SYTL1: variants seen among roughly 807,000 people sequenced by gnomAD.
SYTL1 encodes synaptotagmin like 1.
A neutral mutation model predicts 74.6 loss-of-function variants in SYTL1; 53 were observed. That is an observed-to-expected ratio of 0.71 (90% CI 0.57 to 0.89). SYTL1 has a LOEUF of 0.89. Ranked by LOEUF, SYTL1 falls within the 40% of genes least tolerant of loss-of-function variation. The pLI is 0.00. For synonymous variants in SYTL1, 329 were observed against 324.9 expected (o/e 1.01, Z -0.14); for missense variants, 728 against 768.7 (o/e 0.95, Z 0.63).
chr1:27,344,838 T>A (rs1571028685), intron 1 of SYTL1: 1 of 66,822 alleles, frequency 1.5e-5, no homozygotes, highest in Non-Finnish European at 2.6e-5. Context: ...AAAGCAAGAC[T>A]CCTCAAAAAA....
rs2014823845 is a variant in SYTL1, at chr1:27,342,695, CA to C, written c.-39+546del. Among the ~76,000 whole-genome samples the C allele has an allele frequency of 6.7e-6, 1 of 148,336 alleles. No individual in the cohort carries two copies. Among genetic ancestry groups the C allele is most frequent in the African/African-American group, 2.4e-5 (1 of 41,176 alleles). The stretch of plus-strand genomic sequence containing the variant: ...CCACACAGACAATATAGTCACCATG[CA>C]GCATCACACTGCAACAGGACACAAA... On this transcript the variant is annotated intron_variant, in intron 1 of 14. Coordinates refer to ENST00000616558, the MANE Select transcript of SYTL1 (RefSeq NM_001193308.2). The surrounding 1 kb of genome is among the most constrained non-coding windows in gnomAD (Gnocchi z 4.7).
chr1:27,347,967 G>T lies in SYTL1; in HGVS notation c.414G>T (p.Arg138Ser). 1 of 1,614,160 alleles carries T rather than the reference G, an allele frequency of 6.2e-7. No individual in the cohort carries two copies. ...VKEKEEGPEP[R>S]LTIDEAPQER... Reference sequence around the variant, plus strand: ...GAGAGCGTCCTCTCCCTACTCCTAGGCTCACCATTGATGAGGCCCCTCAGG... The same window carrying T: ...GAGAGCGTCCTCTCCCTACTCCTAGTCTCACCATTGATGAGGCCCCTCAGG... The change falls in exon 5 of 15, where the codon AGG (arginine) becomes AGT (serine). Residue 138 changes from arginine to serine, a missense_variant and splice_region_variant. Transcript: ENST00000616558. This position sits in a 1 kb window ranked among gnomAD's most constrained non-coding sequence, Gnocchi z 4.9.
chr1:27,345,283 C>T lies in SYTL1; in HGVS notation c.-38-14C>T, dbSNP rs1037282444. 30 of 1,369,498 alleles carry T rather than the reference C, an allele frequency of 2.2e-5. No individual in the cohort carries two copies. Among genetic ancestry groups the T allele is most frequent in the African/African-American group, 1.2e-4 (8 of 66,500 alleles). The allele number at this position is 1,369,498 out of a possible 1,614,324, so 84.8% of individuals were successfully genotyped here. A position where few individuals can be genotyped will look rare whatever the true frequency, so the allele number is the denominator to read the frequency against. ...TTTGTGCAGGGCTTGACCTGACCCT[C>T]GGTCTGCCCCCAGGAAGCTCCGTGT... On this transcript the variant is annotated splice_polypyrimidine_tract_variant and intron_variant, in intron 1 of 14. Coordinates refer to ENST00000616558, the MANE Select transcript of SYTL1 (RefSeq NM_001193308.2). This position sits in a 1 kb window ranked among gnomAD's most constrained non-coding sequence, Gnocchi z 6.0.
chr1:27,350,297 G>T lies in SYTL1; in HGVS notation c.909-92G>T. ...TGTAAAGCGCTTAGCACGAGGCCTG[G>T]CACGTGTTCGGGATGGTGGCTGGGG... On this transcript the variant is annotated intron_variant, in intron 9 of 14. Transcript: ENST00000616558. This position sits in a 1 kb window ranked among gnomAD's most constrained non-coding sequence, Gnocchi z 6.3. 6.7e-7 allele frequency: 1 copy of T among 1,483,770 alleles called. No individual in the cohort carries two copies. The highest frequency in any genetic ancestry group is 9.4e-7 in the Non-Finnish European group (1 of 1,061,520). The allele number at this position is 1,483,770 out of a possible 1,614,324, so 91.9% of individuals were successfully genotyped here. A position where few individuals can be genotyped will look rare whatever the true frequency, so the allele number is the denominator to read the frequency against.
At position 27,350,794 on chromosome 1, in the gene SYTL1, T is replaced by C; in HGVS notation, c.1006T>C (p.Tyr336His). Residue 336 changes from tyrosine to histidine, a missense_variant and splice_region_variant, in exon 11 of 15, where the codon TAC (tyrosine) becomes CAC (histidine). Tyr to His is a moderately conservative substitution (Grantham distance 83). Coordinates refer to ENST00000616558, the MANE Select transcript of SYTL1 (RefSeq NM_001193308.2). The surrounding 1 kb of genome is among the most constrained non-coding windows in gnomAD (Gnocchi z 6.3). Reference protein sequence around the residue: ...LNPVFNETLRYSVPQAELQGR... With the variant: ...LNPVFNETLRHSVPQAELQGR... ...ACTAAAGCTCACCTCCTGTCCTCAG[T>C]ACTCCGTCCCGCAGGCCGAGCTTCA... 1 of 1,613,764 alleles carries C rather than the reference T, an allele frequency of 6.2e-7. No individual in the cohort carries two copies. The highest frequency in any genetic ancestry group is 2.2e-5 in the East Asian group (1 of 44,868).
chr1:27,350,182 C>T lies in SYTL1; in HGVS notation c.908+50C>T, dbSNP rs1185222886. On this transcript the variant is annotated intron_variant, in intron 9 of 14. Transcript: ENST00000616558. This position sits in a 1 kb window ranked among gnomAD's most constrained non-coding sequence, Gnocchi z 6.3. ...GGCGCGGCTGTCACAGCCCAGCCCA[C>T]CATTCACAGGGTCTCGGCCTCCTCG... 9 of 1,452,662 alleles carry T rather than the reference C, an allele frequency of 6.2e-6. No homozygotes were observed. The highest frequency in any genetic ancestry group is 1.8e-4 in the Middle Eastern group (1 of 5,530). 90.0% of individuals were successfully genotyped at this position (1,452,662 alleles called of 1,614,324 possible).
At position 27,347,438 on chromosome 1, in the gene SYTL1, T is replaced by A; in HGVS notation, c.209T>A (p.Val70Glu). 1 of 1,614,032 alleles carries A rather than the reference T, an allele frequency of 6.2e-7. No individual in the cohort carries two copies. ...TCCTCCAGCAAGCTCCGGGCCTCAG[T>A]GGCAGACCCTGGGCAGCTGAAGATC... ...EGRVSKLRAS[V>E]ADPGQLKILT... The change falls in exon 3 of 15, where the codon GTG (valine) becomes GAG (glutamate). Residue 70 changes from valine (V) to glutamate (E), a missense_variant. Physicochemically the swap from Val to Glu is moderately radical, Grantham distance 121. Coordinates refer to ENST00000616558, the MANE Select transcript of SYTL1 (RefSeq NM_001193308.2). This position sits in a 1 kb window ranked among gnomAD's most constrained non-coding sequence, Gnocchi z 4.9.
Position 27,347,987 on chromosome 1 carries a change from C to T in SYTL1, c.434C>T (p.Pro145Leu). 1 of 1,614,180 alleles carries T rather than the reference C, an allele frequency of 6.2e-7. No individual in the cohort carries two copies. ...PEPRLTIDEA[P>L]QERLRETEGP... ...CCTAGGCTCACCATTGATGAGGCCC[C>T]TCAGGAGAGGCTCAGGGAGACTGAG... The change falls in exon 5 of 15, where the codon CCT becomes CTT. Residue 145 changes from proline (P) to leucine (L), a missense_variant. Pro to Leu is a moderately conservative substitution (Grantham distance 98). Transcript: ENST00000616558. The surrounding 1 kb of genome is among the most constrained non-coding windows in gnomAD (Gnocchi z 4.9).
intron 13 of SYTL1, chr1:27,352,307 C>A (rs2148038795): frequency 6.6e-6 from 1 of 151,766 alleles, no homozygotes; most frequent in East Asian, 2.0e-4. Flanking sequence ...TGCACTCCAA[C>A]CTGGGCAAAA....
chr1:27,350,216 T>C lies in SYTL1; in HGVS notation c.908+84T>C. 1.3e-6 allele frequency: 2 copies of C among 1,484,930 alleles called. No individual in the cohort carries two copies. Among genetic ancestry groups the C allele is most frequent in the Non-Finnish European group, 1.8e-6 (2 of 1,098,458 alleles). The allele number at this position is 1,484,930 out of a possible 1,614,324, so 92.0% of individuals were successfully genotyped here. Reference sequence around the variant, plus strand: ...GGGTCTCGGCCTCCTCGTCCTCATCTTCAAAATGGGAACAACAGCGTTATT... The same window carrying C: ...GGGTCTCGGCCTCCTCGTCCTCATCCTCAAAATGGGAACAACAGCGTTATT... On this transcript the variant is annotated intron_variant, in intron 9 of 14. Coordinates refer to ENST00000616558, the MANE Select transcript of SYTL1 (RefSeq NM_001193308.2). This position sits in a 1 kb window ranked among gnomAD's most constrained non-coding sequence, Gnocchi z 6.3.
At position 27,348,083 on chromosome 1, in the gene SYTL1, G is replaced by T. The variant is rs2015081749; in HGVS notation, c.459+71G>T. ...GGTGGAATGTGCAGGGGGCAGGGGG[G>T]AAAGAGCCCCAGCCTGGGAATGGGG... On this transcript the variant is annotated intron_variant, in intron 5 of 14. Transcript: ENST00000616558. The surrounding 1 kb of genome is among the most constrained non-coding windows in gnomAD (Gnocchi z 4.1). 6.8e-7 allele frequency: 1 copy of T among 1,476,062 alleles called. No individual in the cohort carries two copies. 91.4% of individuals were successfully genotyped at this position (1,476,062 alleles called of 1,614,324 possible). A position where few individuals can be genotyped will look rare whatever the true frequency, so the allele number is the denominator to read the frequency against.
At chr1:27,353,660 C>A in intron 14 of SYTL1, 53 bp from the exon 15 acceptor site, 1 of 1,585,274 alleles carries the variant, frequency 6.3e-7, no homozygotes, top group South Asian at 1.1e-5. Context: ...TGTTTGGGGG[C>A]CCCAAGGTGT....
Position 27,349,687 on chromosome 1 carries a change from G to A in SYTL1, c.669G>A (p.Glu223=). The change falls in exon 8 of 15, where the codon GAG becomes GAA. Residue 223 remains glutamate, a synonymous_variant. Coordinates refer to ENST00000616558, the MANE Select transcript of SYTL1 (RefSeq NM_001193308.2). ...KAASQILENG[E]EAPGPDPSLD... is the part of the protein sequence containing the mutation. ...CGTCCCAGATCCTGGAGAATGGGGA[G>A]GAGGCCCCGGGGCCCGACCCCTCTC... is the stretch of plus-strand genomic sequence containing the variant. 1 of 1,611,198 alleles carries A rather than the reference G, an allele frequency of 6.2e-7. No individual in the cohort carries two copies. Among genetic ancestry groups the A allele is most frequent in the Non-Finnish European group, 8.5e-7 (1 of 1,179,238 alleles).
At chr1:27,349,373 C>A in intron 6 of SYTL1, 25 bp from the exon 7 acceptor site, 6 of 1,442,780 alleles carry the variant, frequency 4.2e-6, no homozygotes, top group Non-Finnish European at 5.5e-6. Flanking sequence ...AGAGGGCTCG[C>A]TTAGCATCTC....
At position 27,351,555 on chromosome 1, in the gene SYTL1, G is replaced by C. The variant is rs1170014323; in HGVS notation, c.1343G>C (p.Cys448Ser). Residue 448 changes from cysteine (C) to serine (S), a missense_variant and splice_region_variant, in exon 13 of 15, where the codon TGC becomes TCC. Cys to Ser is a moderately radical substitution (Grantham distance 112). Transcript: ENST00000616558. The surrounding 1 kb of genome is among the most constrained non-coding windows in gnomAD (Gnocchi z 5.0). ...GGATCCCTGGACACTTACGTACAAT[G>C]GTGAGGAGTGCTGGCCCTCCGGGCT... ...RAGSLDTYVQCFVLPDDSQAS... is the reference protein window; with the variant it reads ...RAGSLDTYVQSFVLPDDSQAS... 2 of 1,531,072 alleles carry C rather than the reference G, an allele frequency of 1.3e-6. No homozygotes were observed. The highest frequency in any genetic ancestry group is 2.8e-5 in the African/African-American group (2 of 72,464). 94.8% of individuals were successfully genotyped at this position (1,531,072 alleles called of 1,614,324 possible).
At position 27,350,797 on chromosome 1, in the gene SYTL1, T is replaced by A; in HGVS notation, c.1009T>A (p.Ser337Thr). ...NPVFNETLRYSVPQAELQGRV... is the reference protein window; with the variant it reads ...NPVFNETLRYTVPQAELQGRV... Reference sequence around the variant, plus strand: ...AAAGCTCACCTCCTGTCCTCAGTACTCCGTCCCGCAGGCCGAGCTTCAGGG... The same window carrying A: ...AAAGCTCACCTCCTGTCCTCAGTACACCGTCCCGCAGGCCGAGCTTCAGGG... Residue 337 changes from serine (S) to threonine (T), a missense_variant, in exon 11 of 15, where the codon TCC becomes ACC. Coordinates refer to ENST00000616558, the MANE Select transcript of SYTL1 (RefSeq NM_001193308.2). The surrounding 1 kb of genome is among the most constrained non-coding windows in gnomAD (Gnocchi z 6.3). The A allele has an allele frequency of 6.2e-7, 1 of 1,613,736 alleles. No individual in the cohort carries two copies. Among genetic ancestry groups the A allele is most frequent in the East Asian group, 2.2e-5 (1 of 44,868 alleles).
rs2015256739 is a variant in SYTL1 at position 27,351,222 on chromosome 1, T to G, written c.1165-36T>G. 1 of 1,548,206 alleles carries G rather than the reference T, an allele frequency of 6.5e-7. No homozygotes were observed. The highest frequency in any genetic ancestry group is 1.4e-5 in the African/African-American group (1 of 72,998). Reference sequence around the variant, plus strand: ...CCCACCCTCCTGAGGCCCCTTTCCATTAGCCCCTGCTCCACGATAAGCCCG... The same window carrying G: ...CCCACCCTCCTGAGGCCCCTTTCCAGTAGCCCCTGCTCCACGATAAGCCCG... On this transcript the variant is annotated intron_variant, in intron 11 of 14. Transcript: ENST00000616558. This position sits in a 1 kb window ranked among gnomAD's most constrained non-coding sequence, Gnocchi z 5.0.
At chr1:27,349,528 A>G in intron 7 of SYTL1, 30 bp downstream of exon 7, 4 of 1,459,858 alleles carry the variant, frequency 2.7e-6, no homozygotes, top group Non-Finnish European at 3.6e-6. Flanking sequence ...GGCTGCTCTC[A>G]ACATCCGGAG....
chr1:27,349,945 C>T (rs1281197740), intron 8 of SYTL1, 27 bp from the exon 9 acceptor site: 1 of 1,567,596 alleles, frequency 6.4e-7, no homozygotes, highest in Non-Finnish European at 8.6e-7. Context: ...GCGAGCGGCC[C>T]TGACTCCCAC....
Sources: allele counts gnomAD v4.1 joint callset (sites outside exome capture counted in the v4.1 genomes callset), GRCh38; gene constraint gnomAD v4.1.1; non-coding constraint Gnocchi (gnomAD v3.1); transcripts MANE v1.5; gene names NCBI Gene and HGNC (gene_info 2026-07-23, HGNC 2026-07-21).